Variants in RFX7 observed in about 807,000 individuals in gnomAD.
RFX7 encodes the protein DNA-binding protein RFX7.
Under a neutral mutation model 111.8 loss-of-function variants are expected in RFX7, and 26 were observed. That is an observed-to-expected ratio of 0.23 (90% CI 0.17 to 0.32). The LOEUF is 0.32. RFX7 is among the 10% of genes least tolerant of loss of function. The probability of loss-of-function intolerance (pLI) is 1.00; values close to 1 mark genes in which losing one functional copy is unlikely to be tolerated. For missense variants in RFX7, 1,573 were observed against 1,772.9 expected (o/e 0.89, Z 2.02); for synonymous variants, 624 against 624.4 (o/e 1.00, Z 0.01).
chr15:56,202,446 T>C (rs1489702519), intron 2 of RFX7, among the ~76,000 whole-genome samples: 4 of 152,222 alleles, frequency 2.6e-5, no homozygotes, highest in African/African-American at 7.2e-5. Context: ...AACAGCCACA[T>C]GCAACTAGTG....
At chr15:56,205,446 C>A (rs1363221608) in intron 2 of RFX7, among the ~76,000 whole-genome samples, 1 of 152,190 alleles carries the variant, frequency 6.6e-6, no homozygotes, top group Non-Finnish European at 1.5e-5. Context: ...TACTAACCTT[C>A]TTTCAGTTAT....
At chr15:56,195,976 T>C (rs1347299840) in intron 2 of RFX7, among the ~76,000 whole-genome samples, 1 of 152,188 alleles carries the variant, frequency 6.6e-6, no homozygotes, top group East Asian at 1.9e-4. Context: ...GATTTTATTG[T>C]TGTTCTAAAC....
At chr15:56,179,797 C>T (rs2042947549) in intron 2 of RFX7, among the ~76,000 whole-genome samples, 1 of 148,252 alleles carries the variant, frequency 6.7e-6, no homozygotes, top group African/African-American at 2.6e-5. Context: ...CACACACACA[C>T]ACACACACAC....
chr15:56,223,015 A>C (rs2043442872), intron 2 of RFX7, among the ~76,000 whole-genome samples: 1 of 152,184 alleles, frequency 6.6e-6, no homozygotes, highest in African/African-American at 2.4e-5. Flanking sequence ...AATAATTCTT[A>C]CTCTATGGGT....
chr15:56,235,867 A>C (rs1312248398), intron 2 of RFX7, among the ~76,000 whole-genome samples: 1 of 152,170 alleles, frequency 6.6e-6, no homozygotes, highest in Non-Finnish European at 1.5e-5. Context: ...GGGTTCAGAT[A>C]ATTTATTTTT....
Position 56,243,282 on chromosome 15 carries a change from C to CAG in RFX7, c.3_4insCT (p.Ala2LeufsTer74). ...GGTGGCGGCTGTTGTTGTTCCTCTG[C>CAG]CATCGCTGCAGAGGGGTGGGAGGGA... On this transcript the variant is annotated frameshift_variant, in exon 2 of 10. Transcript: ENST00000559447. LOFTEE classifies it high-confidence loss of function. 1 of 1,183,536 alleles carries CAG rather than the reference C, an allele frequency of 8.4e-7. No individual in the cohort carries two copies. The highest frequency in any genetic ancestry group is 1.1e-6 in the Non-Finnish European group (1 of 909,990). The allele number at this position is 1,183,536 out of a possible 1,614,324, so 73.3% of individuals were successfully genotyped here. A position where few individuals can be genotyped will look rare whatever the true frequency, so the allele number is the denominator to read the frequency against.
intron 3 of RFX7, among the ~76,000 whole-genome samples, chr15:56,178,759 C>T (rs1389522614): frequency 6.6e-6 from 1 of 152,082 alleles, no homozygotes; most frequent in African/African-American, 2.4e-5. Flanking sequence ...TGAAAGCTGG[C>T]AACCCCACAA....
intron 9 of RFX7, among the ~76,000 whole-genome samples, chr15:56,097,585 A>G (rs2041696236): frequency 6.6e-6 from 1 of 151,746 alleles, no homozygotes; most frequent in Admixed American, 6.6e-5. Flanking sequence ...TACAAAACAC[A>G]AAAATACAAA....
At chr15:56,099,362 T>G (rs1212551369) in intron 8 of RFX7, among the ~76,000 whole-genome samples, 1 of 152,168 alleles carries the variant, frequency 6.6e-6, no homozygotes, top group African/African-American at 2.4e-5. Context: ...CCATACTCAA[T>G]AATGATGAGG....
chr15:56,128,104 AAC>A, intron 5 of RFX7, among the ~76,000 whole-genome samples: 1 of 152,216 alleles, frequency 6.6e-6, no homozygotes, highest in Non-Finnish European at 1.5e-5. Context: ...CCTGACCAGT[AAC>A]AGAGATTGAA....
rs183158615 is a variant in RFX7, at chr15:56,102,760, A to G, written c.519-507T>C. ...TTTTTGTTTGCATTTGGGAAGCAAG[A>G]ATAGGTCGTGCCAACTAGTGGTTAG... On this transcript the variant is annotated intron_variant, in intron 6 of 9. Transcript: ENST00000559447. 2.6e-4 allele frequency among the ~76,000 whole-genome samples: 39 copies of G among 152,340 alleles called. No homozygotes were observed. In the East Asian group the frequency reaches 7.3e-3, roughly 29 times the overall value.
rs754569717 is a variant in RFX7 at position 56,144,373 on chromosome 15, A to G, written c.278+28T>C. On this transcript the variant is annotated intron_variant, in intron 4 of 9. Transcript: ENST00000559447. The stretch of plus-strand genomic sequence containing the variant: ...CTAGGGACATCCTATAAACAGCATA[A>G]TTATAGCAAAGACAAGAATAGATAT... 4 of 1,255,120 alleles carry G rather than the reference A, an allele frequency of 3.2e-6. No individual in the cohort carries two copies. In the East Asian group the frequency reaches 1.9e-4, roughly 58 times the overall value. The allele number at this position is 1,255,120 out of a possible 1,614,324, so 77.7% of individuals were successfully genotyped here. A position where few individuals can be genotyped will look rare whatever the true frequency, so the allele number is the denominator to read the frequency against.
intron 2 of RFX7, among the ~76,000 whole-genome samples, chr15:56,209,647 A>C (rs1363202070): frequency 6.6e-6 from 1 of 152,102 alleles, no homozygotes; most frequent in Non-Finnish European, 1.5e-5. Context: ...AAACAAAATT[A>C]ATGACAGTAG....
chr15:56,134,339 T>A (rs1954569814), intron 5 of RFX7, among the ~76,000 whole-genome samples: 1 of 152,178 alleles, frequency 6.6e-6, no homozygotes, highest in African/African-American at 2.4e-5. Context: ...TCACTCTTAC[T>A]ATAAAATTAG....
At chr15:56,218,020 T>C (rs1161770009) in intron 2 of RFX7, among the ~76,000 whole-genome samples, 2 of 152,004 alleles carry the variant, frequency 1.3e-5, no homozygotes, top group Non-Finnish European at 2.9e-5. Context: ...AAAGAGATGG[T>C]TGTGCCTGTA....
chr15:56,120,631 T>C (rs1595941059), intron 5 of RFX7, among the ~76,000 whole-genome samples: 1 of 152,228 alleles, frequency 6.6e-6, no homozygotes, highest in Non-Finnish European at 1.5e-5. Flanking sequence ...GGGTCTGTCA[T>C]ATATGTCTTT....
chr15:56,223,347 C>T (rs2043446339), intron 2 of RFX7, among the ~76,000 whole-genome samples: 1 of 152,170 alleles, frequency 6.6e-6, no homozygotes, highest in African/African-American at 2.4e-5. Context: ...TCACTGTTTC[C>T]TTTATCCTAC....
At chr15:56,225,364 G>A (rs2043471003) in intron 2 of RFX7, among the ~76,000 whole-genome samples, 1 of 152,024 alleles carries the variant, frequency 6.6e-6, no homozygotes, top group South Asian at 2.1e-4. Flanking sequence ...AGTCCCTCAT[G>A]GGTCATTGTC....
intron 2 of RFX7, among the ~76,000 whole-genome samples, chr15:56,195,930 T>C (rs2043142711): frequency 1.3e-5 from 2 of 152,288 alleles, no homozygotes; most frequent in Non-Finnish European, 2.9e-5. Context: ...AAAGTAAACA[T>C]CTTGCTTTTG....
Sources: allele counts gnomAD v4.1 joint callset (sites outside exome capture counted in the v4.1 genomes callset), GRCh38; gene constraint gnomAD v4.1.1; transcripts MANE v1.5; gene names NCBI Gene and HGNC (gene_info 2026-07-23, HGNC 2026-07-21).